Variants in IQCM observed in about 807,000 individuals in gnomAD.
The protein encoded by IQCM is IQ motif containing M.
In IQCM, 45 loss-of-function variants were observed where a neutral mutation model predicts 57.6. The observed-to-expected ratio is 0.78, with a 90% CI of 0.62 to 1.00. The LOEUF (loss-of-function observed/expected upper bound fraction) is 1.00, where lower values mean the gene tolerates loss of function less well. Among genes scored for constraint, IQCM ranks in the 50% least tolerant of loss-of-function variants. The probability of loss-of-function intolerance (pLI) is 0.00; values close to 1 mark genes in which losing one functional copy is unlikely to be tolerated. For synonymous variants in IQCM, 148 were observed against 158.9 expected (o/e 0.93, Z 0.51); for missense variants, 468 against 511.6 (o/e 0.91, Z 0.82).
intron 9 of IQCM, among the ~76,000 whole-genome samples, chr4:149,565,975 T>C (rs1379618631): frequency 6.6e-6 from 1 of 152,216 alleles, no homozygotes; most frequent in Non-Finnish European, 1.5e-5. Context: ...GAGGGATAGA[T>C]GTCTTATTAA....
Position 149,670,940 on chromosome 4 carries a change from C to CTTT in IQCM, c.565+11175_565+11177dup, listed in dbSNP as rs57287015. ...CAGGGATATTGGTCTAAAATTCTCT[C>CTTT]TTTTTTTTTTTTTTGTTGTGTCTCT... On this transcript the variant is annotated intron_variant, in intron 7 of 13. Coordinates refer to ENST00000636793, the MANE Select transcript of IQCM (RefSeq NM_001363507.2). 1.7e-3 allele frequency among the ~76,000 whole-genome samples: 243 copies of CTTT among 143,412 alleles called. 3 individuals carry two copies. Among genetic ancestry groups the CTTT allele is most frequent in the East Asian group, 2.9e-3 (14 of 4,888 alleles). 94.1% of individuals were successfully genotyped at this position (143,412 alleles called of 152,430 possible).
At chr4:149,682,743 A>G (rs1340028811) in intron 6 of IQCM, among the ~76,000 whole-genome samples, 3 of 151,094 alleles carry the variant, frequency 2.0e-5, no homozygotes, top group Non-Finnish European at 4.5e-5. Flanking sequence ...AATCCTTTTT[A>G]TATGTTTTAC....
At chr4:149,693,731 C>G (rs1763110010) in intron 5 of IQCM, among the ~76,000 whole-genome samples, 1 of 152,106 alleles carries the variant, frequency 6.6e-6, no homozygotes, top group African/African-American at 2.4e-5. Flanking sequence ...TTGTATAATT[C>G]TAATTGTTTG....
chr4:149,473,773 C>A lies in IQCM; in HGVS notation c.1229-40216G>T, dbSNP rs1327609176. Among the ~76,000 whole-genome samples, 5 of 152,162 alleles carry A rather than the reference C, an allele frequency of 3.3e-5. No homozygotes were observed. In the East Asian group the frequency reaches 7.7e-4, roughly 23 times the overall value. On this transcript the variant is annotated intron_variant, in intron 12 of 13. Transcript: ENST00000636793. The stretch of plus-strand genomic sequence containing the variant: ...GGATTAAGAAAATGTGGCATATATA[C>A]ACCATGGAATACTATGCAGCCATAA...
intron 2 of IQCM, among the ~76,000 whole-genome samples, chr4:149,803,433 C>T (rs1388680753): frequency 6.6e-6 from 1 of 151,954 alleles, no homozygotes; most frequent in Admixed American, 6.6e-5. Flanking sequence ...ATTTATTCAA[C>T]CTCATTGAGC....
At chr4:149,481,716 T>TTTTTTTTTGTTTTTTTTTG (rs1740897023) in intron 12 of IQCM, among the ~76,000 whole-genome samples, 4 of 138,584 alleles carry the variant, frequency 2.9e-5, no homozygotes, top group African/African-American at 5.3e-5. Flanking sequence ...TTTTTTTTTT[T>TTTTTTTTTGTTTTTTTTTG]TTTTTTGCTT....
chr4:149,611,881 T>C (rs1755325801), intron 8 of IQCM, among the ~76,000 whole-genome samples: 1 of 152,114 alleles, frequency 6.6e-6, no homozygotes, highest in South Asian at 2.1e-4. Flanking sequence ...TACTTGAGAT[T>C]TGATAATTAT....
intron 7 of IQCM, among the ~76,000 whole-genome samples, chr4:149,640,084 T>C (rs1301015123): frequency 6.6e-6 from 1 of 152,236 alleles, no homozygotes; most frequent in Non-Finnish European, 1.5e-5. Flanking sequence ...TTTCAAAGTA[T>C]ACTGAGAATC....
At chr4:149,786,460 G>A (rs1365207654) in intron 2 of IQCM, among the ~76,000 whole-genome samples, 2 of 151,872 alleles carry the variant, frequency 1.3e-5, no homozygotes, top group South Asian at 2.1e-4. Flanking sequence ...AAGTAGAAGA[G>A]GAAATTTAAA....
intron 13 of IQCM, among the ~76,000 whole-genome samples, chr4:149,365,003 C>A (rs1001399770): frequency 2.6e-5 from 4 of 151,934 alleles, no homozygotes; most frequent in Non-Finnish European, 5.9e-5. Context: ...GATATGTTTA[C>A]AAATATGGGT....
At chr4:149,414,265 C>T (rs1578979192) in intron 13 of IQCM, among the ~76,000 whole-genome samples, 1 of 152,194 alleles carries the variant, frequency 6.6e-6, no homozygotes, top group Non-Finnish European at 1.5e-5. Flanking sequence ...CCAATACATT[C>T]TGAATATCAC....
chr4:149,455,793 C>A (rs1022393531), intron 12 of IQCM, among the ~76,000 whole-genome samples: 3 of 151,762 alleles, frequency 2.0e-5, no homozygotes, highest in Non-Finnish European at 2.9e-5. Context: ...TAGCGAGACA[C>A]CTGTCTCTAC....
At chr4:149,781,193 T>A (rs1227065992) in intron 2 of IQCM, among the ~76,000 whole-genome samples, 1 of 152,216 alleles carries the variant, frequency 6.6e-6, no homozygotes, top group East Asian at 1.9e-4. Flanking sequence ...GCCCCTGAAC[T>A]ATTGTATACA....
intron 13 of IQCM, among the ~76,000 whole-genome samples, chr4:149,382,049 G>A (rs1731116626): frequency 6.6e-6 from 1 of 152,088 alleles, no homozygotes; most frequent in South Asian, 2.1e-4. Flanking sequence ...ACAGGCATGA[G>A]CCATCGTGCC....
At chr4:149,391,172 C>G (rs1731827329) in intron 13 of IQCM, among the ~76,000 whole-genome samples, 1 of 151,860 alleles carries the variant, frequency 6.6e-6, no homozygotes, top group African/African-American at 2.4e-5. Flanking sequence ...TTTGATCTCT[C>G]TACTTGTTTA....
intron 7 of IQCM, among the ~76,000 whole-genome samples, chr4:149,671,880 G>A (rs1349335333): frequency 6.6e-6 from 1 of 152,132 alleles, no homozygotes; most frequent in South Asian, 2.1e-4. Flanking sequence ...CATTTGCTGA[G>A]GAGTGCTTTA....
chr4:149,408,290 T>C (rs1279458778), intron 13 of IQCM, among the ~76,000 whole-genome samples: 1 of 152,170 alleles, frequency 6.6e-6, no homozygotes, highest in Non-Finnish European at 1.5e-5. Flanking sequence ...AAATAGGTGA[T>C]TATCATATCT....
chr4:149,373,836 GGAACTCAAAT>G (rs552513399), intron 13 of IQCM, among the ~76,000 whole-genome samples: 3 of 152,006 alleles, frequency 2.0e-5, no homozygotes, highest in Admixed American at 6.6e-5. Context: ...AGAGGCCCAT[GGAACTCAAAT>G]TCTGGATGTT....
At chr4:149,455,592 C>A (rs1427276078) in intron 12 of IQCM, among the ~76,000 whole-genome samples, 2 of 152,162 alleles carry the variant, frequency 1.3e-5, no homozygotes, top group Non-Finnish European at 2.9e-5. Flanking sequence ...CTACTATGTG[C>A]TAGATACAAG....
Sources: allele counts gnomAD v4.1 joint callset (sites outside exome capture counted in the v4.1 genomes callset), GRCh38; gene constraint gnomAD v4.1.1; transcripts MANE v1.5; gene names NCBI Gene and HGNC (gene_info 2026-07-23, HGNC 2026-07-21).